The following KAZN variants were observed in gnomAD, a reference collection of about 807,000 sequenced individuals.
KAZN encodes the protein kazrin.
KAZN carries 40 observed loss-of-function variants against 87.4 expected under a neutral mutation model. The ratio of observed to expected loss-of-function variants is 0.46; its 90% CI spans 0.36 to 0.60. The LOEUF (loss-of-function observed/expected upper bound fraction) is 0.60. KAZN is among the 20% of genes least tolerant of loss of function. The pLI is 0.00. For synonymous variants in KAZN, 466 were observed against 458.3 expected (o/e 1.02, Z -0.22); for missense variants, 898 against 1,073.9 (o/e 0.84, Z 2.29).
chr1:14,778,205 T>C (rs1328569617), intron 1 of KAZN, among the ~76,000 whole-genome samples: 1 of 152,046 alleles, frequency 6.6e-6, no homozygotes, highest in South Asian at 2.1e-4. Flanking sequence ...AATTAGGCTG[T>C]CTCCATCAAA....
intron 1 of KAZN, among the ~76,000 whole-genome samples, chr1:14,743,417 G>C (rs1238670691): frequency 6.9e-6 from 1 of 144,094 alleles, no homozygotes; most frequent in East Asian, 2.0e-4. Context: ...GGGACTGAGC[G>C]AGACTCTGTC....
chr1:13,949,848 T>G lies in KAZN; in HGVS notation c.91+56092T>G, dbSNP rs1258231542. ...CTAAGGTCAAAGGTAACGGGGAAGC[T>G]GCTGCTCAAAACACAGCCGAGACAC... On this transcript the variant is annotated intron_variant, in intron 1 of 16. Transcript: ENST00000636203. Among the ~76,000 whole-genome samples the G allele has an allele frequency of 2.6e-5, 4 of 152,304 alleles. No individual in the cohort carries two copies. In the East Asian group the frequency reaches 7.7e-4, roughly 29 times the overall value.
intron 1 of KAZN, among the ~76,000 whole-genome samples, chr1:14,789,208 C>A (rs3765391): frequency 3.3e-5 from 5 of 152,110 alleles, no homozygotes; most frequent in African/African-American, 7.2e-5. Context: ...ATCTGGTAGA[C>A]GGGATTGTAG....
chr1:14,301,561 C>T (rs367562907), intron 2 of KAZN, among the ~76,000 whole-genome samples: 11 of 152,338 alleles, frequency 7.2e-5, no homozygotes, highest in African/African-American at 2.6e-4. Context: ...CACCCGCCTT[C>T]CTCTTTGACA....
Position 14,905,979 on chromosome 1 carries a change from C to T in KAZN, c.227-54705C>T, listed in dbSNP as rs190301547. ...GTCAGGAGATCGAGGCCATCCTGGC[C>T]AACACGGTGAGACCCCGTCTCTACT... On this transcript the variant is annotated intron_variant, in intron 1 of 14. Coordinates refer to ENST00000376030, the MANE Select transcript of KAZN (RefSeq NM_201628.3). Among the ~76,000 whole-genome samples, 461 of 151,082 alleles carry T rather than the reference C, an allele frequency of 3.1e-3. 2 individuals are homozygous for T. Among genetic ancestry groups the T allele is most frequent in the African/African-American group, 0.01 (425 of 41,144 alleles).
At chr1:14,476,288 G>A (rs779445318) in intron 2 of KAZN, among the ~76,000 whole-genome samples, 27 of 152,142 alleles carry the variant, frequency 1.8e-4, no homozygotes, top group Non-Finnish European at 2.8e-4. Context: ...ATTTCTGTGC[G>A]TGATTCTGCC....
intron 1 of KAZN, among the ~76,000 whole-genome samples, chr1:14,088,033 A>T (rs1643893813): frequency 6.9e-6 from 1 of 145,734 alleles, no homozygotes; most frequent in South Asian, 2.1e-4. Flanking sequence ...GTATTATTTC[A>T]TCTTTAAATG....
chr1:13,931,501 T>C (rs1390626239), intron 1 of KAZN, among the ~76,000 whole-genome samples: 2 of 151,932 alleles, frequency 1.3e-5, no homozygotes, highest in Non-Finnish European at 2.9e-5. Context: ...TGTGTGTGCA[T>C]AGACACATGC....
At chr1:14,001,105 C>A (rs539802380) in intron 1 of KAZN, among the ~76,000 whole-genome samples, 2 of 152,222 alleles carry the variant, frequency 1.3e-5, no homozygotes, top group African/African-American at 4.8e-5. Context: ...ATTTAGAAAA[C>A]CCCATCATCT....
chr1:14,191,840 G>A (rs377481585), intron 2 of KAZN, among the ~76,000 whole-genome samples: 107 of 152,222 alleles, frequency 7.0e-4, no homozygotes, highest in African/African-American at 2.6e-3. Context: ...CAGGTGATGG[G>A]TGGCATCCAT....
intron 2 of KAZN, among the ~76,000 whole-genome samples, chr1:15,018,669 C>T (rs184773357): frequency 6.6e-6 from 1 of 151,372 alleles, no homozygotes; most frequent in Admixed American, 6.6e-5. Context: ...TCACAGAAGT[C>T]AGACAAGCAA....
At chr1:14,254,074 C>A (rs1296459411) in intron 2 of KAZN, among the ~76,000 whole-genome samples, 1 of 151,764 alleles carries the variant, frequency 6.6e-6, no homozygotes, top group African/African-American at 2.4e-5. Context: ...ACATAAAAAT[C>A]TGTTCTATCT....
At chr1:15,069,288 A>G (rs1639401719) in intron 8 of KAZN, among the ~76,000 whole-genome samples, 1 of 152,184 alleles carries the variant, frequency 6.6e-6, no homozygotes, top group South Asian at 2.1e-4. Flanking sequence ...CAGCCAGTCA[A>G]TCAGAGTTGG....
intron 1 of KAZN, among the ~76,000 whole-genome samples, chr1:14,084,765 AT>A (rs1643802101): frequency 1.3e-5 from 2 of 151,720 alleles, no homozygotes; most frequent in East Asian, 3.9e-4. Flanking sequence ...GCATTAGGAG[AT>A]ATACCTAATG....
chr1:14,999,494 G>GCCCCC (rs1425034118), intron 2 of KAZN, among the ~76,000 whole-genome samples: 9 of 132,778 alleles, frequency 6.8e-5, no homozygotes, highest in African/African-American at 2.5e-4. Flanking sequence ...GGCATTGCCT[G>GCCCCC]CCCCCCTCCC....
At chr1:14,092,184 G>A (rs545090440) in intron 1 of KAZN, among the ~76,000 whole-genome samples, 56 of 147,036 alleles carry the variant, frequency 3.8e-4, no homozygotes, top group Non-Finnish European at 6.1e-4. Context: ...TGCGCCTCCC[G>A]GGTTCATGAA....
At chr1:14,643,012 C>T (rs757500501) in intron 1 of KAZN, among the ~76,000 whole-genome samples, 17 of 152,138 alleles carry the variant, frequency 1.1e-4, no homozygotes, top group East Asian at 3.9e-4. Context: ...GCTGCATTCC[C>T]GGGTACATAA....
At chr1:14,205,884 CAAAAAAAAAAA>C (rs70997121) in intron 2 of KAZN, among the ~76,000 whole-genome samples, 1 of 35,220 alleles carries the variant, frequency 2.8e-5, no homozygotes, top group South Asian at 1.8e-3. Context: ...GACACTGTCT[CAAAAAAAAAAA>C]AAAAAAAAAA....
At chr1:14,491,986 T>C (rs1187945593) in intron 2 of KAZN, among the ~76,000 whole-genome samples, 1 of 152,176 alleles carries the variant, frequency 6.6e-6, no homozygotes, top group Non-Finnish European at 1.5e-5. Flanking sequence ...CATTTAACAA[T>C]TATCAGCCCC....
Sources: allele counts gnomAD v4.1 joint callset (sites outside exome capture counted in the v4.1 genomes callset), GRCh38; gene constraint gnomAD v4.1.1; transcripts MANE v1.5; gene names NCBI Gene and HGNC (gene_info 2026-07-23, HGNC 2026-07-21).